The following CSGALNACT1 variants were observed in gnomAD, a reference collection of about 807,000 sequenced individuals.
The protein encoded by CSGALNACT1 is chondroitin sulfate N-acetylgalactosaminyltransferase 1.
CSGALNACT1 carries 52 observed loss-of-function variants against 51.0 expected under a neutral mutation model. The ratio of observed to expected loss-of-function variants is 1.02; its 90% CI spans 0.82 to 1.29. The LOEUF is 1.29. Among genes scored for constraint, CSGALNACT1 ranks in the 50% most tolerant of loss-of-function variants. The probability of loss-of-function intolerance (pLI) is 0.00; values close to 1 mark genes in which losing one functional copy is unlikely to be tolerated. For missense variants in CSGALNACT1, 935 were observed against 679.2 expected (o/e 1.38, Z -4.19); for synonymous variants, 341 against 254.4 (o/e 1.34, Z -3.24).
chr8:19,425,236 G>A (rs1364925985), intron 6 of CSGALNACT1, among the ~76,000 whole-genome samples: 1 of 152,158 alleles, frequency 6.6e-6, no homozygotes, highest in Admixed American at 6.5e-5. Flanking sequence ...CACTACTTGG[G>A]AGGCTGAGGC....
intron 4 of CSGALNACT1, among the ~76,000 whole-genome samples, chr8:19,474,025 A>G (rs993721131): frequency 1.3e-5 from 2 of 152,250 alleles, no homozygotes; most frequent in Non-Finnish European, 2.9e-5. Flanking sequence ...CCATTCATTT[A>G]TCTCAAACTG....
intron 1 of CSGALNACT1, among the ~76,000 whole-genome samples, chr8:19,682,225 T>C (rs1261534315): frequency 6.6e-6 from 1 of 152,142 alleles, no homozygotes; most frequent in Non-Finnish European, 1.5e-5. Flanking sequence ...TGTGAGCCTC[T>C]GTTTGTACTC....
At chr8:19,437,273 G>C (rs189144336) in intron 6 of CSGALNACT1, among the ~76,000 whole-genome samples, 3 of 152,080 alleles carry the variant, frequency 2.0e-5, no homozygotes, top group Admixed American at 1.3e-4. Context: ...AGGGTGGAAG[G>C]AACTCCCAAA....
intron 3 of CSGALNACT1, among the ~76,000 whole-genome samples, chr8:19,566,439 A>G (rs929698164): frequency 3.9e-5 from 6 of 152,216 alleles, no homozygotes; most frequent in African/African-American, 1.4e-4. Context: ...ATAAGGTTAA[A>G]TAAGCTTAAA....
chr8:19,631,861 A>T (rs1198391995), intron 1 of CSGALNACT1, among the ~76,000 whole-genome samples: 1 of 152,228 alleles, frequency 6.6e-6, no homozygotes. Context: ...AGACACTAAA[A>T]GGTGTGGGCC....
intron 5 of CSGALNACT1, among the ~76,000 whole-genome samples, chr8:19,454,448 A>T (rs1403334587): frequency 1.3e-5 from 2 of 152,244 alleles, no homozygotes; most frequent in Non-Finnish European, 2.9e-5. Context: ...AGGTGGTCAG[A>T]TCACTTGACG....
intron 1 of CSGALNACT1, among the ~76,000 whole-genome samples, chr8:19,665,728 G>C (rs949892202): frequency 1.3e-5 from 2 of 152,138 alleles, no homozygotes; most frequent in Admixed American, 6.5e-5. Flanking sequence ...GCCTGACAAA[G>C]GACGTCAATT....
At chr8:19,548,344 C>G (rs536113277) in intron 3 of CSGALNACT1, among the ~76,000 whole-genome samples, 1 of 152,186 alleles carries the variant, frequency 6.6e-6, no homozygotes, top group East Asian at 1.9e-4. Flanking sequence ...CTGACAAATT[C>G]CAATATCAAA....
chr8:19,626,956 G>C (rs2054536607), intron 1 of CSGALNACT1, among the ~76,000 whole-genome samples: 1 of 152,204 alleles, frequency 6.6e-6, no homozygotes, highest in Non-Finnish European at 1.5e-5. Context: ...TTGCTGGTGG[G>C]AATGTGAAAT....
intron 6 of CSGALNACT1, among the ~76,000 whole-genome samples, chr8:19,431,686 T>A (rs952771916): frequency 6.6e-6 from 1 of 152,140 alleles, no homozygotes; most frequent in Non-Finnish European, 1.5e-5. Context: ...AAAGAGTAAG[T>A]TGGAAAGTGT....
chr8:19,481,575 A>G (rs1231988209), intron 4 of CSGALNACT1, among the ~76,000 whole-genome samples: 1 of 152,150 alleles, frequency 6.6e-6, no homozygotes, highest in Non-Finnish European at 1.5e-5. Context: ...ACACTTAAGA[A>G]CACCCTAGAA....
intron 1 of CSGALNACT1, among the ~76,000 whole-genome samples, chr8:19,735,407 A>C (rs2063915648): frequency 6.6e-6 from 1 of 152,190 alleles, no homozygotes; most frequent in Non-Finnish European, 1.5e-5. Context: ...TATAGGCCTC[A>C]AAAAATTCTC....
intron 1 of CSGALNACT1, among the ~76,000 whole-genome samples, chr8:19,637,962 C>T (rs1038427347): frequency 1.3e-5 from 2 of 151,678 alleles, no homozygotes; most frequent in East Asian, 1.9e-4. Flanking sequence ...GATCTCAGGT[C>T]GAAAGTGCTG....
upstream of CSGALNACT1, among the ~76,000 whole-genome samples, chr8:19,686,267 T>C (rs2060971143): frequency 6.6e-6 from 1 of 152,182 alleles, no homozygotes; most frequent in East Asian, 1.9e-4. Context: ...GCCAGGACTC[T>C]TGATAACAAC....
intron 1 of CSGALNACT1, among the ~76,000 whole-genome samples, chr8:19,649,980 C>A (rs1478991259): frequency 1.3e-5 from 2 of 151,990 alleles, no homozygotes; most frequent in African/African-American, 4.8e-5. Context: ...CATAAAAGGT[C>A]TGTGAGGTAG....
intron 1 of CSGALNACT1, among the ~76,000 whole-genome samples, chr8:19,726,926 T>C (rs936479352): frequency 1.3e-5 from 2 of 152,190 alleles, no homozygotes; most frequent in Non-Finnish European, 2.9e-5. Flanking sequence ...ACTAAGGCAG[T>C]TCTAGAAGCT....
chr8:19,623,431 G>T (rs566927712), intron 1 of CSGALNACT1, among the ~76,000 whole-genome samples: 17 of 152,290 alleles, frequency 1.1e-4, no homozygotes, highest in African/African-American at 4.1e-4. Context: ...ACCTGAATTT[G>T]AGAAGTCAAT....
exon 9 of CSGALNACT1, chr8:19,408,663 T>A (rs1365986473): frequency 1.2e-6 from 2 of 1,613,738 alleles, no homozygotes; most frequent in East Asian, 2.2e-5. Context: ...AAATCCAAAG[T>A]CTCTCCAAAA....
intron 6 of CSGALNACT1, among the ~76,000 whole-genome samples, chr8:19,421,758 C>A (rs1585610029): frequency 6.6e-6 from 1 of 152,246 alleles, no homozygotes; most frequent in African/African-American, 2.4e-5. Flanking sequence ...AGTTCTGCGA[C>A]TCCCTCCTTG....
Sources: allele counts gnomAD v4.1 joint callset (sites outside exome capture counted in the v4.1 genomes callset), GRCh38; gene constraint gnomAD v4.1.1; transcripts MANE v1.5; gene names NCBI Gene and HGNC (gene_info 2026-07-23, HGNC 2026-07-21).